The following TCF7L1 variants were observed in gnomAD, a reference collection of about 807,000 sequenced individuals.
TCF7L1 encodes transcription factor 7 like 1.
In TCF7L1, 18 loss-of-function variants were observed where a neutral mutation model predicts 63.7. That is an observed-to-expected ratio of 0.28 (90% confidence interval 0.20 to 0.42). The LOEUF (loss-of-function observed/expected upper bound fraction) is 0.42. Among genes scored for constraint, TCF7L1 ranks in the 10% least tolerant of loss-of-function variants. The probability of loss-of-function intolerance (pLI) is 1.00; values close to 1 mark genes in which losing one functional copy is unlikely to be tolerated. For synonymous variants in TCF7L1, 355 were observed against 340.9 expected (o/e 1.04, Z -0.46); for missense variants, 654 against 779.3 (o/e 0.84, Z 1.91).
At chr2:85,205,928 G>A (rs1679398965) in intron 3 of TCF7L1, among the ~76,000 whole-genome samples, 1 of 152,234 alleles carries the variant, frequency 6.6e-6, no homozygotes, top group Admixed American at 6.5e-5. Context: ...GTTGGATCCT[G>A]GAGATGGATA....
At position 85,249,129 on chromosome 2, in the gene TCF7L1, G is replaced by A. The variant is rs77742717; in HGVS notation, c.442-34366G>A. Among the ~76,000 whole-genome samples the A allele has an allele frequency of 5.4e-3, 821 of 152,288 alleles. 6 individuals are homozygous for A. Among genetic ancestry groups the A allele is most frequent in the African/African-American group, 0.018 (765 of 41,544 alleles). On this transcript the variant is annotated intron_variant, in intron 3 of 11. Coordinates refer to ENST00000282111, the MANE Select transcript of TCF7L1 (RefSeq NM_031283.3). ...ATGACTGTTTGCATTCTACAAAGTAGCATTTGAAATTTTAGTTTTTGCTTT... is the reference window on the plus strand; with the variant it reads ...ATGACTGTTTGCATTCTACAAAGTAACATTTGAAATTTTAGTTTTTGCTTT...
chr2:85,134,076 G>C lies in TCF7L1; in HGVS notation c.310G>C (p.Glu104Gln). The change falls in exon 2 of 12, where the codon GAA (glutamate) becomes CAA (glutamine). Residue 104 changes from glutamate (E) to glutamine (Q), a missense_variant. Around this residue, in one of 3 missense-constraint regions of TCF7L1, gnomAD observed 404 missense variants for 454.8 expected, o/e 0.89. Coordinates refer to ENST00000282111, the MANE Select transcript of TCF7L1 (RefSeq NM_031283.3). This position sits in a 1 kb window ranked among gnomAD's most constrained non-coding sequence, Gnocchi z 5.0. ...TFQKPRDYFA[E>Q]VRRPQDSAFF... Reference sequence around the variant, plus strand: ...CCAGAAGCCGCGGGACTATTTCGCCGAAGGTATGTGCCCGCTGGGACAGCC... The same window carrying C: ...CCAGAAGCCGCGGGACTATTTCGCCCAAGGTATGTGCCCGCTGGGACAGCC... The C allele has an allele frequency of 1.2e-6, 2 of 1,609,696 alleles. No homozygotes were observed. Among genetic ancestry groups the C allele is most frequent in the Non-Finnish European group, 1.7e-6 (2 of 1,179,070 alleles).
intron 3 of TCF7L1, among the ~76,000 whole-genome samples, chr2:85,158,087 C>G (rs1199908780): frequency 2.6e-5 from 4 of 152,134 alleles, no homozygotes; most frequent in Non-Finnish European, 5.9e-5. Context: ...GTCAGCTTTA[C>G]AGACTCCTGG....
At chr2:85,286,940 A>C (rs1305153356) in intron 4 of TCF7L1, among the ~76,000 whole-genome samples, 1 of 152,198 alleles carries the variant, frequency 6.6e-6, no homozygotes, top group African/African-American at 2.4e-5. Flanking sequence ...CCTGTCGTGA[A>C]CAAAAAAACA....
chr2:85,189,419 G>C (rs1200172282), intron 3 of TCF7L1, among the ~76,000 whole-genome samples: 1 of 152,208 alleles, frequency 6.6e-6, no homozygotes, highest in Non-Finnish European at 1.5e-5. Context: ...CGCCCTTCAG[G>C]GCCTTTGGCT....
intron 4 of TCF7L1, among the ~76,000 whole-genome samples, chr2:85,291,993 ATTTTTTTTTTTTTTTTTTTTTTTTTT>A (rs1167747216): frequency 2.2e-4 from 3 of 13,832 alleles, no homozygotes; most frequent in Admixed American, 1.0e-3. Flanking sequence ...GGTCATATGT[ATTTTTTTTTTTTTTTTTTTTTTTTTT>A]TTTTTTTTTT....
intron 3 of TCF7L1, among the ~76,000 whole-genome samples, chr2:85,139,766 TG>T (rs1677678315): frequency 6.6e-6 from 1 of 152,022 alleles, no homozygotes; most frequent in Non-Finnish European, 1.5e-5. Flanking sequence ...CAGGGCGATT[TG>T]GGGGTAATGC....
chr2:85,237,304 C>T (rs1680213583), intron 3 of TCF7L1, among the ~76,000 whole-genome samples: 1 of 152,124 alleles, frequency 6.6e-6, no homozygotes, highest in African/African-American at 2.4e-5. Context: ...GTGGTGCAAT[C>T]ACAGCTCACA....
At chr2:85,304,787 A>C (rs1425187084) in intron 7 of TCF7L1, among the ~76,000 whole-genome samples, 1 of 152,202 alleles carries the variant, frequency 6.6e-6, no homozygotes, top group African/African-American at 2.4e-5. Flanking sequence ...CGTAAAGTCA[A>C]AATATCCTAA....
chr2:85,174,164 C>G (rs1678623207), intron 3 of TCF7L1, among the ~76,000 whole-genome samples: 1 of 152,064 alleles, frequency 6.6e-6, no homozygotes. Context: ...TCTCCTCTCC[C>G]CCAACCTTTG....
intron 3 of TCF7L1, among the ~76,000 whole-genome samples, chr2:85,193,935 A>G (rs189397490): frequency 5.3e-5 from 8 of 152,004 alleles, no homozygotes; most frequent in Non-Finnish European, 1.2e-4. Flanking sequence ...CAACTTTTGT[A>G]TAAGTCTGAA....
At chr2:85,180,465 C>T (rs1049793115) in intron 3 of TCF7L1, among the ~76,000 whole-genome samples, 6 of 152,112 alleles carry the variant, frequency 3.9e-5, no homozygotes, top group African/African-American at 1.4e-4. Flanking sequence ...ATGACGGCTA[C>T]ACCCCGCACA....
chr2:85,189,682 C>A (rs1232726923), intron 3 of TCF7L1, among the ~76,000 whole-genome samples: 1 of 152,150 alleles, frequency 6.6e-6, no homozygotes, highest in Non-Finnish European at 1.5e-5. Flanking sequence ...GGGCTGGAGC[C>A]CTCCCAGCTG....
chr2:85,287,611 A>G (rs1324504430), intron 4 of TCF7L1, among the ~76,000 whole-genome samples: 1 of 152,212 alleles, frequency 6.6e-6, no homozygotes, highest in African/African-American at 2.4e-5. Flanking sequence ...GTTTTCTAGT[A>G]AATTTTATAT....
chr2:85,211,412 A>G (rs1450375684), intron 3 of TCF7L1, among the ~76,000 whole-genome samples: 1 of 152,228 alleles, frequency 6.6e-6, no homozygotes, highest in African/African-American at 2.4e-5. Context: ...CAGTATTACC[A>G]ACCTCAACAG....
chr2:85,180,021 C>T (rs1230660996), intron 3 of TCF7L1, among the ~76,000 whole-genome samples: 1 of 151,996 alleles, frequency 6.6e-6, no homozygotes, highest in Non-Finnish European at 1.5e-5. Context: ...TCTTGCCCTC[C>T]TGTGTAGGGT....
intron 3 of TCF7L1, among the ~76,000 whole-genome samples, chr2:85,234,194 G>A (rs1266271558): frequency 7.2e-6 from 1 of 138,310 alleles, no homozygotes; most frequent in Non-Finnish European, 1.5e-5. Context: ...GGAGTGCAGT[G>A]GCATGATCTC....
At chr2:85,147,016 A>G (rs899534323) in intron 3 of TCF7L1, among the ~76,000 whole-genome samples, 4 of 152,150 alleles carry the variant, frequency 2.6e-5, no homozygotes, top group African/African-American at 7.2e-5. Context: ...TTGAGGTGGT[A>G]CACTTGGTTC....
chr2:85,226,171 G>T (rs1313805798), intron 3 of TCF7L1, among the ~76,000 whole-genome samples: 3 of 152,162 alleles, frequency 2.0e-5, no homozygotes, highest in Non-Finnish European at 4.4e-5. Flanking sequence ...TGCTGGATTC[G>T]GTTTGCTAGT....
Sources: allele counts gnomAD v4.1 joint callset (sites outside exome capture counted in the v4.1 genomes callset), GRCh38; gene constraint gnomAD v4.1.1; regional missense constraint gnomAD v4.1.1; non-coding constraint Gnocchi (gnomAD v3.1); transcripts MANE v1.5; gene names NCBI Gene and HGNC (gene_info 2026-07-23, HGNC 2026-07-21).